ITPK1: variants seen among roughly 807,000 people sequenced by gnomAD.
The protein encoded by ITPK1 is inositol-tetrakisphosphate 1-kinase, also known as inositol 1,3,4-trisphosphate 5/6-kinase.
In ITPK1, 21 loss-of-function variants were observed where a neutral mutation model predicts 45.3. The ratio of observed to expected loss-of-function variants is 0.46; its 90% confidence interval spans 0.33 to 0.67. The LOEUF is 0.67. Ranked by LOEUF, ITPK1 falls within the 30% of genes least tolerant of loss-of-function variation. ITPK1 has a pLI of 0.02. For synonymous variants in ITPK1, 258 were observed against 253.6 expected (o/e 1.02, Z -0.16); for missense variants, 474 against 573.5 (o/e 0.83, Z 1.77).
In ITPK1 at chr14:92,941,718, C is replaced by A; in HGVS notation, c.1088G>T (p.Gly363Val). The change falls in exon 11 of 11, where the codon GGC (glycine) becomes GTC (valine). Residue 363 changes from glycine (G) to valine (V), a missense_variant. Physicochemically the swap from Gly to Val is moderately radical, Grantham distance 109 (BLOSUM62 -3). Around this residue, in one of 2 missense-constraint regions of ITPK1, gnomAD observed 107 missense variants for 92.9 expected, o/e 1.15. Transcript: ENST00000267615. ...GGGCGCGTCCTGGCCCATCATGCTGCCGCAGCAGCCGGGGCTGGCGCTGCA... is the reference window on the plus strand; with the variant it reads ...GGGCGCGTCCTGGCCCATCATGCTGACGCAGCAGCCGGGGCTGGCGCTGCA... ...RTCSASPGCCGSMMGQDAPWK... is the reference protein window; with the variant it reads ...RTCSASPGCCVSMMGQDAPWK... 6.3e-7 allele frequency: 1 copy of A among 1,578,766 alleles called. No individual in the cohort carries two copies. Among genetic ancestry groups the A allele is most frequent in the Non-Finnish European group, 8.6e-7 (1 of 1,164,724 alleles).
chr14:93,062,568 A>G (rs1890573153), intron 3 of ITPK1, among the ~76,000 whole-genome samples: 1 of 152,112 alleles, frequency 6.6e-6, no homozygotes, highest in South Asian at 2.1e-4. Context: ...GGAGTAACAC[A>G]TTTTGTTCCC....
chr14:93,013,255 A>G lies in ITPK1; in HGVS notation c.246+3421T>C, dbSNP rs553165042. On this transcript the variant is annotated intron_variant, in intron 4 of 10. Coordinates refer to ENST00000267615, the MANE Select transcript of ITPK1 (RefSeq NM_014216.6). ...TCATCCCAATTGAGTCTCCAAGCCAAGCCATTTAGAAGCCAATCAAAAACA... is the reference window on the plus strand; with the variant it reads ...TCATCCCAATTGAGTCTCCAAGCCAGGCCATTTAGAAGCCAATCAAAAACA... Among the ~76,000 whole-genome samples the G allele has an allele frequency of 3.9e-5, 6 of 152,322 alleles. No individual in the cohort carries two copies. In the South Asian group the frequency reaches 1.2e-3, roughly 32 times the overall value.
At chr14:93,030,193 G>C (rs969241816) in intron 3 of ITPK1, among the ~76,000 whole-genome samples, 2 of 152,252 alleles carry the variant, frequency 1.3e-5, no homozygotes, top group Admixed American at 6.5e-5. Context: ...TGGGGAATGT[G>C]CAAAAATAAA....
chr14:93,053,698 C>G (rs1415797191), intron 3 of ITPK1, among the ~76,000 whole-genome samples: 1 of 152,106 alleles, frequency 6.6e-6, no homozygotes, highest in Non-Finnish European at 1.5e-5. Context: ...TCCAGGCTAG[C>G]GTGGGATGTT....
intron 10 of ITPK1, among the ~76,000 whole-genome samples, chr14:92,945,454 T>G (rs1390147051): frequency 2.6e-5 from 4 of 152,164 alleles, no homozygotes. Context: ...TTCCTGAACG[T>G]TTTTGCACCT....
At chr14:92,982,610 C>A (rs1403972078) in intron 5 of ITPK1, among the ~76,000 whole-genome samples, 1 of 152,194 alleles carries the variant, frequency 6.6e-6, no homozygotes, top group Non-Finnish European at 1.5e-5. Context: ...GCCCGTGACA[C>A]CCTGGGCCAA....
rs1889913379 is a variant in ITPK1, at chr14:93,049,413, G to A, written c.120+27182C>T. ...AGCAAGTGACATCTGGCTGGAGTAG[G>A]TCGGACCAGCAAGTGCAGAGGCAGG... On this transcript the variant is annotated intron_variant, in intron 3 of 10. Coordinates refer to ENST00000267615, the MANE Select transcript of ITPK1 (RefSeq NM_014216.6). 2.6e-5 allele frequency among the ~76,000 whole-genome samples: 4 copies of A among 152,184 alleles called. No individual in the cohort carries two copies. In the South Asian group the frequency reaches 8.3e-4, roughly 31 times the overall value.
chr14:92,985,328 T>C (rs557844553), intron 5 of ITPK1, among the ~76,000 whole-genome samples: 1 of 152,226 alleles, frequency 6.6e-6, no homozygotes, highest in South Asian at 2.1e-4. Context: ...TATTGAATAG[T>C]TATCAATGTG....
chr14:93,024,775 G>A (rs1194800416), intron 3 of ITPK1, among the ~76,000 whole-genome samples: 6 of 152,152 alleles, frequency 3.9e-5, no homozygotes, highest in South Asian at 2.1e-4. Flanking sequence ...CAAAACAACC[G>A]AACTGAGGCT....
intron 5 of ITPK1, among the ~76,000 whole-genome samples, chr14:92,989,412 C>T (rs1886664834): frequency 6.6e-6 from 1 of 152,008 alleles, no homozygotes; most frequent in Non-Finnish European, 1.5e-5. Context: ...GCCTGTTGCC[C>T]AATGGTCTGA....
At chr14:92,997,472 C>G (rs1156342751) in intron 4 of ITPK1, among the ~76,000 whole-genome samples, 2 of 152,202 alleles carry the variant, frequency 1.3e-5, no homozygotes, top group African/African-American at 4.8e-5. Context: ...TAAACACGAT[C>G]TCTTCTGGGA....
At chr14:92,991,445 C>G (rs528977206) in intron 5 of ITPK1, among the ~76,000 whole-genome samples, 1 of 152,100 alleles carries the variant, frequency 6.6e-6, no homozygotes, top group African/African-American at 2.4e-5. Flanking sequence ...GATCTAGAAC[C>G]AAGCATGCGT....
At chr14:93,066,916 G>A (rs909814419) in intron 3 of ITPK1, among the ~76,000 whole-genome samples, 4 of 152,184 alleles carry the variant, frequency 2.6e-5, no homozygotes, top group Non-Finnish European at 5.9e-5. Context: ...CTCAGGTCAA[G>A]ATGCCTCCTC....
chr14:92,981,147 GATA>G (rs752994828), intron 5 of ITPK1, among the ~76,000 whole-genome samples: 29 of 152,156 alleles, frequency 1.9e-4, no homozygotes, highest in Non-Finnish European at 4.0e-4. Context: ...ACTCATCCCA[GATA>G]ATAATGCCTG....
chr14:92,943,148 C>A (rs561850670), intron 10 of ITPK1, among the ~76,000 whole-genome samples: 1 of 152,256 alleles, frequency 6.6e-6, no homozygotes, highest in African/African-American at 2.4e-5. Flanking sequence ...TGGCACTGTG[C>A]GAGCGTCCCG....
At chr14:92,983,727 G>A (rs1378487159) in intron 5 of ITPK1, among the ~76,000 whole-genome samples, 1 of 152,074 alleles carries the variant, frequency 6.6e-6, no homozygotes, top group Non-Finnish European at 1.5e-5. Context: ...GCCAAAGTGA[G>A]GAATGTTTAT....
chr14:93,002,406 C>T (rs920295585), intron 4 of ITPK1, among the ~76,000 whole-genome samples: 1 of 152,188 alleles, frequency 6.6e-6, no homozygotes, highest in African/African-American at 2.4e-5. Flanking sequence ...GGCCAGGGCT[C>T]TCCCTGCGAG....
intron 2 of ITPK1, among the ~76,000 whole-genome samples, chr14:93,105,558 T>C (rs1350186444): frequency 6.8e-6 from 1 of 147,964 alleles, no homozygotes; most frequent in East Asian, 2.0e-4. Context: ...AGTCTTGCTC[T>C]GTCACCAGGC....
chr14:93,018,315 C>G (rs987319647), intron 3 of ITPK1, among the ~76,000 whole-genome samples: 2 of 152,102 alleles, frequency 1.3e-5, no homozygotes, highest in Admixed American at 6.5e-5. Flanking sequence ...GTCCCCTAGT[C>G]CCCTCAGGCC....
Sources: gnomAD v4.1 joint callset for allele counts (sites outside exome capture counted in the v4.1 genomes callset) on GRCh38, gnomAD v4.1.1 for gene constraint, gnomAD v4.1.1 regional missense constraint, MANE v1.5 for transcripts, NCBI Gene and HGNC (gene_info 2026-07-23, HGNC 2026-07-21) for gene names.